GAS7: variants seen among roughly 807,000 people sequenced by gnomAD.
The protein encoded by GAS7 is growth arrest specific 7.
GAS7 carries 28 observed loss-of-function variants against 71.1 expected under a neutral mutation model. The observed-to-expected ratio is 0.39, with a 90% CI of 0.29 to 0.54. GAS7 has a LOEUF of 0.54. GAS7 is among the 20% of genes least tolerant of loss of function. GAS7 has a pLI of 0.62. For synonymous variants in GAS7, 258 were observed against 245.8 expected, an observed-to-expected ratio of 1.05 and a Z score of -0.46; for missense variants, 436 against 627.8, an observed-to-expected ratio of 0.69 and a Z score of 3.27.
chr17:10,125,630 G>A (rs973330360), intron 1 of GAS7, among the ~76,000 whole-genome samples: 3 of 152,038 alleles, frequency 2.0e-5, no homozygotes, highest in Non-Finnish European at 4.4e-5. Context: ...GATGAAAGAG[G>A]GGAGTAAAGG....
chr17:10,026,117 C>A lies in GAS7; in HGVS notation c.184-6220G>T. Reference sequence around the variant, plus strand: ...CCTCCACCTCCGGGACTCTCTCCCCCTCCGGAGGTTTCTGAGAACACCTGA... The same window carrying A: ...CCTCCACCTCCGGGACTCTCTCCCCATCCGGAGGTTTCTGAGAACACCTGA... On this transcript the variant is annotated intron_variant, in intron 1 of 13. Coordinates refer to ENST00000432992, the MANE Select transcript of GAS7 (RefSeq NM_201433.2). This position sits in a 1 kb window ranked among gnomAD's most constrained non-coding sequence, Gnocchi z 4.5. The A allele has an allele frequency of 2.1e-6, 2 of 972,986 alleles. No individual in the cohort carries two copies. 60.3% of individuals were successfully genotyped at this position (972,986 alleles called of 1,614,324 possible).
chr17:10,187,781 G>GGCCAGCAT (rs2074466762), intron 1 of GAS7, among the ~76,000 whole-genome samples: 1 of 152,034 alleles, frequency 6.6e-6, no homozygotes, highest in Admixed American at 6.6e-5. Flanking sequence ...TGCAGTCCCG[G>GGCCAGCAT]GCCAGCATGT....
Position 10,034,056 on chromosome 17 carries a change from T to C in GAS7, c.184-14159A>G. ...CTGGAGCTGCTGCCGCTGGCACATA[T>C]AAAGTAGGCAAATGGTGACAGCCAA... On this transcript the variant is annotated intron_variant, in intron 1 of 13. Transcript: ENST00000432992. This position sits in a 1 kb window ranked among gnomAD's most constrained non-coding sequence, Gnocchi z 4.4. 2.2e-6 allele frequency: 2 copies of C among 928,948 alleles called. No homozygotes were observed. Among genetic ancestry groups the C allele is most frequent in the South Asian group, 5.0e-5 (1 of 20,152 alleles). 57.5% of individuals were successfully genotyped at this position (928,948 alleles called of 1,614,324 possible). A position where few individuals can be genotyped will look rare whatever the true frequency, so the allele number is the denominator to read the frequency against.
rs2067587581 is a variant in GAS7, at chr17:9,916,531, T to C, written c.*697A>G. 4.2e-6 allele frequency: 1 copy of C among 237,730 alleles called. No homozygotes were observed. The highest frequency in any genetic ancestry group is 8.3e-6 in the Non-Finnish European group (1 of 121,108). 14.7% of individuals were successfully genotyped at this position (237,730 alleles called of 1,614,324 possible). A position where few individuals can be genotyped will look rare whatever the true frequency, so the allele number is the denominator to read the frequency against. Reference sequence around the variant, plus strand: ...GCATTTCCAGAGGAGACTTTACAGATGGCGCCTGATCTCATGGGACACGAT... The same window carrying C: ...GCATTTCCAGAGGAGACTTTACAGACGGCGCCTGATCTCATGGGACACGAT... On this transcript the variant is annotated 3_prime_UTR_variant, in exon 14 of 14. Transcript: ENST00000432992.
At chr17:9,966,745 G>A (rs938475889) in intron 4 of GAS7, among the ~76,000 whole-genome samples, 1 of 152,164 alleles carries the variant, frequency 6.6e-6, no homozygotes, top group African/African-American at 2.4e-5. Flanking sequence ...TGCAGTCCCA[G>A]CTACTCCAGA....
At chr17:10,197,824 T>C (rs1021481743) in intron 1 of GAS7, among the ~76,000 whole-genome samples, 3 of 152,160 alleles carry the variant, frequency 2.0e-5, no homozygotes, top group African/African-American at 7.2e-5. Flanking sequence ...TCGGTGCCAC[T>C]TTCTCGCACC....
intron 1 of GAS7, among the ~76,000 whole-genome samples, chr17:10,021,044 C>T (rs1344332948): frequency 6.6e-6 from 1 of 152,162 alleles, no homozygotes; most frequent in East Asian, 1.9e-4. Context: ...CCCATAAACA[C>T]AGAAATAAAA....
intron 1 of GAS7, among the ~76,000 whole-genome samples, chr17:10,186,015 G>A (rs556239109): frequency 4.1e-4 from 62 of 149,734 alleles, no homozygotes; most frequent in Admixed American, 1.1e-3. Context: ...GAGTGCAGTG[G>A]CGCATTCTCG....
chr17:10,112,178 G>A (rs1007304001), intron 1 of GAS7, among the ~76,000 whole-genome samples: 1 of 152,210 alleles, frequency 6.6e-6, no homozygotes, highest in Non-Finnish European at 1.5e-5. Flanking sequence ...AAGCCTGGGA[G>A]CAGAGAAATG....
At chr17:9,958,321 C>G (rs977990222) in intron 5 of GAS7, among the ~76,000 whole-genome samples, 1 of 152,208 alleles carries the variant, frequency 6.6e-6, no homozygotes, top group Non-Finnish European at 1.5e-5. Flanking sequence ...TAAGTGCACA[C>G]AAAAGTTGCA....
intron 2 of GAS7, among the ~76,000 whole-genome samples, chr17:10,004,785 G>A (rs142328673): frequency 0.017 from 2,569 of 152,254 alleles, 33 homozygotes; most frequent in Non-Finnish European, 0.025. Context: ...GCCAAGGAGG[G>A]CAGATCACGA....
intron 7 of GAS7, among the ~76,000 whole-genome samples, chr17:9,942,167 T>C (rs2068624560): frequency 6.6e-6 from 1 of 151,568 alleles, no homozygotes; most frequent in Admixed American, 6.6e-5. Context: ...GACAGGAGAA[T>C]CGCTTGAACC....
At chr17:10,030,606 G>A (rs906706473) in intron 1 of GAS7, among the ~76,000 whole-genome samples, 1 of 152,238 alleles carries the variant, frequency 6.6e-6, no homozygotes, top group African/African-American at 2.4e-5. Context: ...AGAGTCCTCT[G>A]TGTGTCACCT....
intron 1 of GAS7, among the ~76,000 whole-genome samples, chr17:10,076,245 G>A (rs1467693077): frequency 1.5e-5 from 1 of 66,142 alleles, no homozygotes; most frequent in African/African-American, 6.2e-5. Flanking sequence ...GAGGGAGAGG[G>A]ACAGGGGGAC....
At chr17:10,099,839 C>T (rs979809124) in intron 1 of GAS7, among the ~76,000 whole-genome samples, 4 of 152,182 alleles carry the variant, frequency 2.6e-5, no homozygotes, top group Admixed American at 2.0e-4. Flanking sequence ...GAGTGTAATT[C>T]GTTACCTTTC....
At chr17:10,127,131 T>TA (rs1220931146) in intron 1 of GAS7, among the ~76,000 whole-genome samples, 3 of 152,190 alleles carry the variant, frequency 2.0e-5, no homozygotes, top group African/African-American at 7.2e-5. Context: ...TGGCCATGTG[T>TA]TCCCAATGAC....
chr17:10,001,829 T>TA (rs1424096156), intron 2 of GAS7, among the ~76,000 whole-genome samples: 1 of 151,762 alleles, frequency 6.6e-6, no homozygotes, highest in Non-Finnish European at 1.5e-5. Context: ...CACATAATTT[T>TA]AAAAAAATCC....
intron 3 of GAS7, among the ~76,000 whole-genome samples, chr17:9,971,919 C>T (rs753942014): frequency 2.6e-5 from 4 of 152,174 alleles, no homozygotes; most frequent in Non-Finnish European, 5.9e-5. Flanking sequence ...ACGGAGAACC[C>T]GTCTCCTGCT....
rs1168482580 is a variant in GAS7 at position 9,925,486 on chromosome 17, G to A, written c.1128C>T (p.Ser376=). 1 of 1,614,040 alleles carries A rather than the reference G, an allele frequency of 6.2e-7. No individual in the cohort carries two copies. The highest frequency in any genetic ancestry group is 8.5e-7 in the Non-Finnish European group (1 of 1,180,018). The change falls in exon 11 of 14, where the codon TCC becomes TCT. Residue 376 remains serine (S), a synonymous_variant. Coordinates refer to ENST00000432992, the MANE Select transcript of GAS7 (RefSeq NM_201433.2). ...GTGCCCAGCACTTACCAGCCTGTGTGGACTTTCTCCGCGCCTTCTTGATGT... is the reference window on the plus strand; with the variant it reads ...GTGCCCAGCACTTACCAGCCTGTGTAGACTTTCTCCGCGCCTTCTTGATGT... The part of the protein sequence containing the change: ...EEDIKKARRK[S]TQAGDDLMRC...
Sources: gnomAD v4.1 joint callset for allele counts (sites outside exome capture counted in the v4.1 genomes callset) on GRCh38, gnomAD v4.1.1 for gene constraint, Gnocchi (gnomAD v3.1) non-coding constraint, MANE v1.5 for transcripts, NCBI Gene and HGNC (gene_info 2026-07-23, HGNC 2026-07-21) for gene names.